Variants in TCF20 observed in about 807,000 individuals in gnomAD.
TCF20 encodes SPRE-binding protein.
Under a neutral mutation model 148.6 loss-of-function variants are expected in TCF20, and 3 were observed. That is an observed-to-expected ratio of 0.02 (90% CI 0.01 to 0.05). TCF20 has a LOEUF of 0.05. Among genes scored for constraint, TCF20 ranks in the 10% least tolerant of loss-of-function variants. TCF20 has a pLI of 1.00. For synonymous variants in TCF20, 1,049 were observed against 909.5 expected (o/e 1.15, Z -2.76); for missense variants, 2,350 against 2,429.3 (o/e 0.97, Z 0.69).
rs1471432287 is a variant in TCF20 at position 42,279,210 on chromosome 22, AAAAG to A, written c.-37+4613_-37+4616del. Among the ~76,000 whole-genome samples, 1 of 152,102 alleles carries A rather than the reference AAAAG, an allele frequency of 6.6e-6. No individual in the cohort carries two copies. The highest frequency in any genetic ancestry group is 1.5e-5 in the Non-Finnish European group (1 of 68,018). On this transcript the variant is annotated intron_variant, in intron 1 of 5. Coordinates refer to the TCF20 transcript ENST00000359486. The surrounding 1 kb of genome is among the most constrained non-coding windows in gnomAD (Gnocchi z 4.3). ...CCTTCTTGGTAGTAGGTGGGTGTGA[AAAAG>A]AAAGGAAGGGCCAGGTGCAGTGGCT...
chr22:42,175,259 G>A (rs1337937779), intron 3 of TCF20, among the ~76,000 whole-genome samples: 3 of 152,106 alleles, frequency 2.0e-5, no homozygotes, highest in Admixed American at 6.5e-5. Flanking sequence ...TTGAACTCCT[G>A]GCCTCAAGTG....
intron 1 of TCF20, among the ~76,000 whole-genome samples, chr22:42,242,224 A>AAAAAC (rs1555942548): frequency 2.0e-5 from 3 of 147,694 alleles, no homozygotes; most frequent in African/African-American, 5.2e-5. Flanking sequence ...AAAAAAAAAA[A>AAAAAC]AAACAGAAAA....
chr22:42,339,915 T>C (rs1476647471), intron 1 of TCF20, among the ~76,000 whole-genome samples: 1 of 152,134 alleles, frequency 6.6e-6, no homozygotes, highest in East Asian at 1.9e-4. Context: ...GAAAGAGTTT[T>C]AGGGTGGGAG....
intron 1 of TCF20, among the ~76,000 whole-genome samples, chr22:42,255,129 C>T (rs978330860): frequency 1.3e-5 from 2 of 152,002 alleles, no homozygotes; most frequent in Non-Finnish European, 2.9e-5. Context: ...ACACTATCTC[C>T]TAACTTTTTT....
Position 42,329,826 on chromosome 22 carries a change from C to A in TCF20, c.-37+13653G>T, listed in dbSNP as rs116344726. Among the ~76,000 whole-genome samples the A allele has an allele frequency of 3.5e-3, 526 of 152,244 alleles. 6 individuals are homozygous for A. The highest frequency in any genetic ancestry group is 0.012 in the African/African-American group (507 of 41,538). ...GAGTCCCCTTCCTCCCCCTGCCTGC[C>A]TGCCCCATCCCCAAGCAAAGCCAAG... On this transcript the variant is annotated intron_variant, in intron 1 of 1. Transcript: ENST00000515426.
chr22:42,331,016 C>G (rs1927964689), intron 1 of TCF20, among the ~76,000 whole-genome samples: 1 of 152,150 alleles, frequency 6.6e-6, no homozygotes. Flanking sequence ...ATCCATCGAG[C>G]AGGTGGCAGG....
intron 5 of TCF20, among the ~76,000 whole-genome samples, chr22:42,165,600 C>G (rs1022760512): frequency 6.6e-6 from 1 of 152,256 alleles, no homozygotes; most frequent in Admixed American, 6.5e-5. Flanking sequence ...AGATACCTCA[C>G]AGGCTGGGAG....
chr22:42,200,534 G>A (rs1198897500), intron 2 of TCF20, among the ~76,000 whole-genome samples: 1 of 151,888 alleles, frequency 6.6e-6, no homozygotes, highest in East Asian at 1.9e-4. Flanking sequence ...CCAGCTACTT[G>A]GGAGGCTGAG....
chr22:42,267,012 G>C (rs533985630), intron 1 of TCF20, among the ~76,000 whole-genome samples: 1 of 152,360 alleles, frequency 6.6e-6, no homozygotes, highest in Admixed American at 6.5e-5. Context: ...GCTCATGCCT[G>C]TAATCCCAGC....
At position 42,214,577 on chromosome 22, in the gene TCF20, G is replaced by A. The variant is rs200577119; in HGVS notation, c.729C>T (p.Ser243=). 8 of 1,614,110 alleles carry A rather than the reference G, an allele frequency of 5.0e-6. No homozygotes were observed. The East Asian group carries it at 6.7e-5, about 13-fold the overall frequency. Residue 243 remains serine, a synonymous_variant, in exon 2 of 6, where the codon TCC becomes TCT. Coordinates refer to ENST00000677622, the MANE Select transcript of TCF20 (RefSeq NM_001378418.1). ...GCTGTGGTGAAGGGAAGGAGGAGGA[G>A]GAGGAGGAGGAAGCAGAAGACTGAT... ...QHYQSSASSS[S]SSSFPSPQRF...
upstream of TCF20, among the ~76,000 whole-genome samples, chr22:42,284,789 T>G (rs1235858191): frequency 6.6e-6 from 1 of 152,204 alleles, no homozygotes; most frequent in Non-Finnish European, 1.5e-5. Context: ...GCTGAGCACC[T>G]ACTACCTGCA....
At chr22:42,339,896 A>G (rs112342820) in intron 1 of TCF20, among the ~76,000 whole-genome samples, 2 of 152,310 alleles carry the variant, frequency 1.3e-5, no homozygotes, top group Non-Finnish European at 2.9e-5. Flanking sequence ...CCACCATCCC[A>G]GGATGCACGA....
Position 42,179,712 on chromosome 22 carries a change from A to T in TCF20, c.5656-10T>A. 1 of 1,606,574 alleles carries T rather than the reference A, an allele frequency of 6.2e-7. No individual in the cohort carries two copies. The highest frequency in any genetic ancestry group is 2.2e-5 in the East Asian group (1 of 44,856). Reference sequence around the variant, plus strand: ...GGCAGTGGGAACATTTCTGAAAGGAAGGGAAAAGTCAGGCATGTCAGTATC... The same window carrying T: ...GGCAGTGGGAACATTTCTGAAAGGATGGGAAAAGTCAGGCATGTCAGTATC... On this transcript the variant is annotated splice_polypyrimidine_tract_variant and intron_variant, in intron 2 of 5. Transcript: ENST00000677622.
At chr22:42,202,969 T>C (rs773052390) in intron 2 of TCF20, among the ~76,000 whole-genome samples, 2 of 152,240 alleles carry the variant, frequency 1.3e-5, no homozygotes, top group Non-Finnish European at 2.9e-5. Flanking sequence ...AGACTCAAGA[T>C]ATTTGTTGAA....
intron 5 of TCF20, among the ~76,000 whole-genome samples, chr22:42,167,517 A>C (rs535526083): frequency 6.8e-6 from 1 of 146,164 alleles, no homozygotes; most frequent in Non-Finnish European, 1.5e-5. Flanking sequence ...GCCACAAGGT[A>C]CATTTTGGTT....
chr22:42,215,094 C>A lies in TCF20; in HGVS notation c.212G>T (p.Ser71Ile). The A allele has an allele frequency of 6.2e-7, 1 of 1,614,208 alleles. No individual in the cohort carries two copies. Among genetic ancestry groups the A allele is most frequent in the Non-Finnish European group, 8.5e-7 (1 of 1,180,032 alleles). Residue 71 changes from serine to isoleucine, a missense_variant, in exon 2 of 6, where the codon AGC becomes ATC. Physicochemically the swap from Ser to Ile is moderately radical, Grantham distance 142. This residue lies in a region of TCF20 where 1,641 missense variants were observed against 1,662.6 expected (regional missense o/e 0.99). Transcript: ENST00000677622. ...GAAAAAAAMASETSGHQGYQG... is the reference protein window; with the variant it reads ...GAAAAAAAMAIETSGHQGYQG... ...GTAACCTTGATGGCCAGAGGTCTCG[C>A]TAGCCATCGCTGCCGCAGCAGCTGC...
rs574505454 is a variant in TCF20 at position 42,173,203 on chromosome 22, C to A, written c.5750-3307G>T. Among the ~76,000 whole-genome samples, 110 of 149,812 alleles carry A rather than the reference C, an allele frequency of 7.3e-4. 3 individuals are homozygous for A. The South Asian group carries it at 0.023, about 31-fold the overall frequency. The stretch of plus-strand genomic sequence containing the variant: ...ATGAGCTACCACAGCCTTTTTTTCT[C>A]GTCTTAATTGTTGTGGCTCATTGCA... On this transcript the variant is annotated intron_variant, in intron 3 of 5. Coordinates refer to ENST00000677622, the MANE Select transcript of TCF20 (RefSeq NM_001378418.1).
intron 1 of TCF20, among the ~76,000 whole-genome samples, chr22:42,235,756 G>A (rs991038382): frequency 7.2e-5 from 11 of 152,172 alleles, no homozygotes; most frequent in Non-Finnish European, 1.6e-4. Context: ...ACCTGCAAAA[G>A]TGGAGTTAAC....
chr22:42,230,851 A>G (rs546825075), intron 1 of TCF20, among the ~76,000 whole-genome samples: 5 of 152,226 alleles, frequency 3.3e-5, no homozygotes, highest in African/African-American at 1.2e-4. Context: ...AAGTGAAAAA[A>G]TAAAAAATAA....
Sources: gnomAD v4.1 joint callset for allele counts (sites outside exome capture counted in the v4.1 genomes callset) on GRCh38, gnomAD v4.1.1 for gene constraint, gnomAD v4.1.1 regional missense constraint, Gnocchi (gnomAD v3.1) non-coding constraint, MANE v1.5 for transcripts, NCBI Gene and HGNC (gene_info 2026-07-23, HGNC 2026-07-21) for gene names.